The following ARB2A variants were observed in gnomAD, a reference collection of about 807,000 sequenced individuals.
ARB2A encodes cotranscriptional regulator ARB2A.
the ARB2A span, among the ~76,000 whole-genome samples, chr5:93,722,310 G>T: frequency 2.6e-5 from 4 of 151,954 alleles, no homozygotes; most frequent in East Asian, 5.8e-4. Flanking sequence ...TTTTCTTTGG[G>T]GTTGTGTGGT....
chr5:93,620,946 T>G, the ARB2A span: 1 of 1,596,400 alleles, frequency 6.3e-7, no homozygotes. Flanking sequence ...GGCGTGCGGG[T>G]GGGTGCGCCA....
chr5:93,710,221 C>T, the ARB2A span, among the ~76,000 whole-genome samples: 1 of 152,096 alleles, frequency 6.6e-6, no homozygotes, highest in Admixed American at 6.5e-5. Context: ...TAAATGGCTG[C>T]CATTTTATTT....
the ARB2A span, among the ~76,000 whole-genome samples, chr5:93,924,728 T>C: frequency 6.6e-6 from 1 of 152,164 alleles, no homozygotes; most frequent in Admixed American, 6.5e-5. Flanking sequence ...AATGACTTGT[T>C]CAGTAACTAC....
At chr5:94,021,458 A>G in the ARB2A span, among the ~76,000 whole-genome samples, 1 of 152,216 alleles carries the variant, frequency 6.6e-6, no homozygotes, top group African/African-American at 2.4e-5. Context: ...TGACTAACTG[A>G]TGGAAAAAAA....
At chr5:94,004,581 C>CA in the ARB2A span, among the ~76,000 whole-genome samples, 169 of 108,528 alleles carry the variant, frequency 1.6e-3, no homozygotes, top group South Asian at 1.7e-3. Context: ...GACTCCATCT[C>CA]AAAAAAAAAA....
the ARB2A span, chr5:93,862,366 C>G: frequency 6.6e-6 from 1 of 152,182 alleles, no homozygotes; most frequent in South Asian, 2.1e-4. Context: ...TCTGAACTTA[C>G]TTCTGTAAAC....
the ARB2A span, among the ~76,000 whole-genome samples, chr5:93,854,052 C>A: frequency 1.3e-5 from 2 of 152,066 alleles, no homozygotes; most frequent in Non-Finnish European, 2.9e-5. Flanking sequence ...CTCCTTGTAC[C>A]TCTGGTAGAA....
chr5:93,764,487 A>C, the ARB2A span, among the ~76,000 whole-genome samples: 1 of 152,228 alleles, frequency 6.6e-6, no homozygotes, highest in African/African-American at 2.4e-5. Context: ...CACCCTCCCA[A>C]GAATAAACCA....
chr5:93,740,289 T>TA, the ARB2A span: 16 of 300,502 alleles, frequency 5.3e-5, no homozygotes, highest in Middle Eastern at 9.7e-4. Flanking sequence ...CAATATTTAA[T>TA]AAAAAAAGGA....
the ARB2A span, among the ~76,000 whole-genome samples, chr5:94,014,930 T>C: frequency 5.3e-5 from 8 of 149,878 alleles, no homozygotes; most frequent in East Asian, 1.9e-4. Flanking sequence ...CTAAGGATTA[T>C]TGGTGTTCAA....
the ARB2A span, among the ~76,000 whole-genome samples, chr5:93,803,852 G>A: frequency 1.3e-5 from 2 of 151,976 alleles, no homozygotes; most frequent in Non-Finnish European, 1.5e-5. Context: ...TGTAGAAAAC[G>A]GGAAAGGTAA....
chr5:93,932,626 AAATCGT>A, the ARB2A span, among the ~76,000 whole-genome samples: 1 of 152,230 alleles, frequency 6.6e-6, no homozygotes, highest in Non-Finnish European at 1.5e-5. Flanking sequence ...TTCCACAAGC[AAATCGT>A]GTTTTCCAAA....
At chr5:93,758,364 C>A in the ARB2A span, among the ~76,000 whole-genome samples, 28,073 of 151,982 alleles carry the variant, frequency 0.18, 2,993 homozygotes, top group Middle Eastern at 0.28. Context: ...CCAAAGAAAC[C>A]ATGGATTTAA....
At chr5:93,908,327 C>T in the ARB2A span, among the ~76,000 whole-genome samples, 1 of 150,674 alleles carries the variant, frequency 6.6e-6, no homozygotes, top group African/African-American at 2.4e-5. Flanking sequence ...TTAAATGACA[C>T]ACACAAAATA....
chr5:93,918,434 T>C, the ARB2A span, among the ~76,000 whole-genome samples: 112 of 144,386 alleles, frequency 7.8e-4, no homozygotes, highest in African/African-American at 2.5e-3. Flanking sequence ...AAATTTCTTT[T>C]TTTTTTTTTT....
chr5:93,649,436 A>G, the ARB2A span, among the ~76,000 whole-genome samples: 1 of 152,142 alleles, frequency 6.6e-6, no homozygotes, highest in Non-Finnish European at 1.5e-5. Context: ...TGTGCAGGCT[A>G]GCCAGAACCC....
chr5:93,741,468 C>G, the ARB2A span: 4 of 1,613,498 alleles, frequency 2.5e-6, no homozygotes, highest in Non-Finnish European at 3.4e-6. Flanking sequence ...TCAACCAGGT[C>G]AGAGTGTCAA....
the ARB2A span, chr5:93,621,236 C>T: frequency 2.1e-6 from 2 of 950,996 alleles, no homozygotes; most frequent in Non-Finnish European, 2.7e-6. Context: ...CGGTCCCGCC[C>T]CTCCCCGCCC....
At chr5:94,059,981 A>G in the ARB2A span, among the ~76,000 whole-genome samples, 7 of 152,228 alleles carry the variant, frequency 4.6e-5, no homozygotes, top group African/African-American at 1.4e-4. Context: ...TGACTAAATA[A>G]AAGCATTTAT....
Sources: allele counts gnomAD v4.1 joint callset (sites outside exome capture counted in the v4.1 genomes callset), GRCh38; gene constraint gnomAD v4.1.1; transcripts MANE v1.5; gene names NCBI Gene and HGNC (gene_info 2026-07-23, HGNC 2026-07-21).